LRP2: variants seen among roughly 807,000 people sequenced by gnomAD.
The protein encoded by LRP2 is LDL receptor related protein 2.
LRP2 carries 172 observed loss-of-function variants against 531.0 expected under a neutral mutation model. The observed-to-expected ratio is 0.32, with a 90% CI of 0.29 to 0.37. The LOEUF (loss-of-function observed/expected upper bound fraction) is 0.37, where lower values mean the gene tolerates loss of function less well. Among genes scored for constraint, LRP2 ranks in the 10% least tolerant of loss-of-function variants. The pLI, the probability that LRP2 is intolerant of heterozygous loss-of-function variation, is 1.00. For missense variants in LRP2, 5,167 were observed against 5,868.3 expected, an observed-to-expected ratio of 0.88 and a Z score of 3.90; for synonymous variants, 1,992 against 2,027.6, an observed-to-expected ratio of 0.98 and a Z score of 0.47.
chr2:169,209,501 C>T lies in LRP2; in HGVS notation c.6421G>A (p.Gly2141Arg). Residue 2141 changes from glycine to arginine, a missense_variant, in exon 38 of 79, where the codon GGA becomes AGA. Coordinates refer to ENST00000649046, the MANE Select transcript of LRP2 (RefSeq NM_004525.3). The stretch of plus-strand genomic sequence containing the variant: ...CCCCGGACTCCATTTTCTCCTATTC[C>T]ATGTGTCACAATGTTCATCAGAGAA... ...GSSLMNIVTH[G>R]IGENGVRGIA... 1.2e-6 allele frequency: 2 copies of T among 1,614,132 alleles called. No individual in the cohort carries two copies. Among genetic ancestry groups the T allele is most frequent in the Non-Finnish European group, 1.7e-6 (2 of 1,180,000 alleles).
intron 4 of LRP2, among the ~76,000 whole-genome samples, chr2:169,303,784 G>A (rs1023813306): frequency 2.0e-5 from 3 of 152,088 alleles, no homozygotes; most frequent in Non-Finnish European, 4.4e-5. Flanking sequence ...TTACATGCAT[G>A]TGATTCATTT....
intron 38 of LRP2, among the ~76,000 whole-genome samples, chr2:169,208,411 TTATA>T (rs1205324954): frequency 6.6e-6 from 1 of 152,172 alleles, no homozygotes; most frequent in Admixed American, 6.5e-5. Context: ...TAAACTCTTA[TTATA>T]GTACTTAGAT....
intron 29 of LRP2, among the ~76,000 whole-genome samples, chr2:169,235,604 G>A (rs766225924): frequency 3.3e-5 from 5 of 152,150 alleles, no homozygotes; most frequent in East Asian, 3.9e-4. Flanking sequence ...TAAATCACAC[G>A]AGCTATAAAA....
intron 19 of LRP2, among the ~76,000 whole-genome samples, chr2:169,249,821 C>G (rs1690147131): frequency 2.6e-5 from 1 of 38,476 alleles, no homozygotes; most frequent in Non-Finnish European, 4.3e-5. Flanking sequence ...AAAACCAAGG[C>G]TCGAGAACTA....
rs184637309 is a variant in LRP2 at position 169,162,182 on chromosome 2, C to G, written c.11887+290G>C. Among the ~76,000 whole-genome samples, 106 of 152,324 alleles carry G rather than the reference C, an allele frequency of 7.0e-4. 1 individual carries two copies. The highest frequency in any genetic ancestry group is 5.4e-4 in the Non-Finnish European group (37 of 68,040). On this transcript the variant is annotated intron_variant, in intron 63 of 78. Transcript: ENST00000649046. ...AAATCCTGAGTCAACCTCTTAATGA[C>G]AGTAAGACCTGGCCAATTCGTTTAA... is the stretch of plus-strand genomic sequence containing the variant.
chr2:169,187,886 G>T, intron 49 of LRP2, 84 bp downstream of exon 49: 2 of 1,416,878 alleles, frequency 1.4e-6, no homozygotes, highest in Non-Finnish European at 2.0e-6. Context: ...TAGAGGACAG[G>T]TTGGAAAGTC....
At chr2:169,203,847 C>A in intron 42 of LRP2, 135 bp downstream of exon 42, 2 of 865,338 alleles carry the variant, frequency 2.3e-6, no homozygotes, top group Non-Finnish European at 3.7e-6. Flanking sequence ...AATATAGCCC[C>A]AGGTCTGTTT....
At chr2:169,289,500 T>G (rs914780586) in intron 8 of LRP2, among the ~76,000 whole-genome samples, 2 of 152,020 alleles carry the variant, frequency 1.3e-5, no homozygotes, top group African/African-American at 4.8e-5. Context: ...GAGGCTGCAG[T>G]GAGCTATGAC....
chr2:169,263,486 CAT>C (rs1245963583), intron 16 of LRP2, among the ~76,000 whole-genome samples: 1 of 150,866 alleles, frequency 6.6e-6, no homozygotes, highest in East Asian at 1.9e-4. Flanking sequence ...CCAAAAAACA[CAT>C]GAAAAAATGC....
In LRP2 at chr2:169,184,584, T is replaced by C. The variant is rs111946977; in HGVS notation, c.9845+919A>G. Among the ~76,000 whole-genome samples the C allele has an allele frequency of 2.6e-3, 397 of 152,288 alleles. 2 individuals are homozygous for C. Among genetic ancestry groups the C allele is most frequent in the African/African-American group, 8.7e-3 (362 of 41,570 alleles). On this transcript the variant is annotated intron_variant, in intron 50 of 78. Transcript: ENST00000649046. ...AGAATCCGATAGATTTGATATTCAA[T>C]AGAGATGTTAAGAAGTGTGGTTCAT...
At chr2:169,228,753 T>C (rs1296566801) in intron 31 of LRP2, among the ~76,000 whole-genome samples, 2 of 152,092 alleles carry the variant, frequency 1.3e-5, no homozygotes, top group Non-Finnish European at 2.9e-5. Context: ...GAGAACAGGA[T>C]CTCCTGCAAT....
chr2:169,170,438 T>C, intron 59 of LRP2, 113 bp downstream of exon 59: 1 of 816,628 alleles, frequency 1.2e-6, no homozygotes, highest in Non-Finnish European at 2.2e-6. Flanking sequence ...AAGGTTTACA[T>C]ATTACACATA....
intron 58 of LRP2, among the ~76,000 whole-genome samples, chr2:169,170,931 T>TTTG (rs1395685043): frequency 2.0e-5 from 3 of 146,882 alleles, no homozygotes; most frequent in African/African-American, 5.0e-5. Context: ...GTTTTTTTTT[T>TTTG]TTTTTTTTTT....
chr2:169,320,166 G>A (rs187130579), intron 2 of LRP2, among the ~76,000 whole-genome samples: 9 of 152,236 alleles, frequency 5.9e-5, no homozygotes, highest in South Asian at 2.1e-4. Context: ...ATCTGAAACC[G>A]ACCTCAGAAG....
chr2:169,181,342 A>T, intron 52 of LRP2, 106 bp downstream of exon 52: 1 of 1,131,618 alleles, frequency 8.8e-7, no homozygotes, highest in Non-Finnish European at 1.3e-6. Flanking sequence ...GACTTCCAAC[A>T]GACAGGCCAG....
intron 36 of LRP2, among the ~76,000 whole-genome samples, chr2:169,212,975 G>A (rs927326923): frequency 4.2e-5 from 6 of 142,448 alleles, no homozygotes; most frequent in South Asian, 2.2e-4. Flanking sequence ...TCTATTGCAT[G>A]TGTTTCTTTC....
chr2:169,200,419 G>T (rs1688165954), intron 44 of LRP2, among the ~76,000 whole-genome samples: 1 of 152,058 alleles, frequency 6.6e-6, no homozygotes, highest in East Asian at 1.9e-4. Flanking sequence ...CTAATTCCAG[G>T]ACTGGGACAG....
intron 28 of LRP2, 134 bp downstream of exon 28, chr2:169,236,969 C>T: frequency 8.1e-6 from 6 of 736,684 alleles, no homozygotes; most frequent in Non-Finnish European, 1.2e-5. Flanking sequence ...CAGTTGGACA[C>T]CTACCATGTT....
chr2:169,330,688 C>T (rs1685240806), intron 1 of LRP2, among the ~76,000 whole-genome samples: 1 of 152,130 alleles, frequency 6.6e-6, no homozygotes, highest in Admixed American at 6.5e-5. Context: ...ACCTGTGGAA[C>T]ACCAGTAGTG....
Sources: allele counts gnomAD v4.1 joint callset (sites outside exome capture counted in the v4.1 genomes callset), GRCh38; gene constraint gnomAD v4.1.1; transcripts MANE v1.5; gene names NCBI Gene and HGNC (gene_info 2026-07-23, HGNC 2026-07-21).